The following PCDH15 variants were observed in gnomAD, a reference collection of about 807,000 sequenced individuals.
PCDH15 encodes protocadherin related 15.
In PCDH15, 129 loss-of-function variants were observed where a neutral mutation model predicts 178.5. The observed-to-expected ratio is 0.72, with a 90% CI of 0.63 to 0.84. PCDH15 has a LOEUF of 0.84. Ranked by LOEUF, PCDH15 falls within the 40% of genes least tolerant of loss-of-function variation. The probability of loss-of-function intolerance (pLI) is 0.00; values close to 1 mark genes in which losing one functional copy is unlikely to be tolerated. For missense variants in PCDH15, 2,230 were observed against 2,099.9 expected, an observed-to-expected ratio of 1.06 and a Z score of -1.21; for synonymous variants, 800 against 732.0, an observed-to-expected ratio of 1.09 and a Z score of -1.50.
At chr10:54,117,570 C>A (rs1326648694) in intron 15 of PCDH15, among the ~76,000 whole-genome samples, 1 of 152,056 alleles carries the variant, frequency 6.6e-6, no homozygotes, top group Non-Finnish European at 1.5e-5. Context: ...GAGTTTTTTT[C>A]CTACATCTAG....
intron 1 of PCDH15, among the ~76,000 whole-genome samples, chr10:55,192,546 G>A (rs72801694): frequency 0.11 from 17,031 of 151,138 alleles, 1,064 homozygotes; most frequent in East Asian, 0.25. Context: ...GCAATGTTTT[G>A]GATATTGAAA....
intron 2 of PCDH15, among the ~76,000 whole-genome samples, chr10:54,626,342 C>A (rs1287877261): frequency 6.6e-6 from 1 of 152,152 alleles, no homozygotes. Flanking sequence ...GTCTTCACAG[C>A]AGGCCCTTAT....
At chr10:55,435,754 T>C (rs1172342365) in intron 2 of PCDH15, among the ~76,000 whole-genome samples, 1 of 152,156 alleles carries the variant, frequency 6.6e-6, no homozygotes, top group Admixed American at 6.5e-5. Context: ...TTGGGATTTA[T>C]AACTGTCGTA....
intron 3 of PCDH15, among the ~76,000 whole-genome samples, chr10:54,882,598 A>G (rs1954284046): frequency 6.6e-6 from 1 of 152,066 alleles, no homozygotes; most frequent in Non-Finnish European, 1.5e-5. Flanking sequence ...CTTTCTAATA[A>G]TATGTTATAT....
intron 1 of PCDH15, among the ~76,000 whole-genome samples, chr10:55,309,118 AT>A (rs1465692857): frequency 2.0e-5 from 3 of 152,216 alleles, no homozygotes; most frequent in Admixed American, 6.5e-5. Flanking sequence ...AGTCATTGTA[AT>A]TTAAGCGTTC....
intron 1 of PCDH15, among the ~76,000 whole-genome samples, chr10:54,733,889 G>A (rs759157872): frequency 1.0e-4 from 15 of 150,340 alleles, no homozygotes; most frequent in Non-Finnish European, 7.4e-5. Flanking sequence ...ACCTCCAAAC[G>A]TAAAAACAAA....
chr10:54,178,017 T>A (rs1211964781), intron 13 of PCDH15, among the ~76,000 whole-genome samples: 1 of 151,764 alleles, frequency 6.6e-6, no homozygotes, highest in Non-Finnish European at 1.5e-5. Context: ...TGAGAACAGA[T>A]GAAAAAGAGA....
intron 2 of PCDH15, among the ~76,000 whole-genome samples, chr10:55,429,011 C>T (rs1456935207): frequency 6.6e-6 from 1 of 152,028 alleles, no homozygotes; most frequent in Non-Finnish European, 1.5e-5. Context: ...ATTTTCTCCT[C>T]TCCAGGCTTT....
intron 2 of PCDH15, among the ~76,000 whole-genome samples, chr10:55,404,309 T>C (rs1196881138): frequency 1.3e-5 from 2 of 152,020 alleles, no homozygotes; most frequent in South Asian, 2.1e-4. Flanking sequence ...ACCAGCAAAG[T>C]GACCACAGAT....
intron 1 of PCDH15, among the ~76,000 whole-genome samples, chr10:55,278,786 A>G (rs540247640): frequency 4.1e-4 from 63 of 152,274 alleles, no homozygotes; most frequent in African/African-American, 1.3e-3. Context: ...ATGTTTTGAG[A>G]GTTTCTTATT....
intron 2 of PCDH15, among the ~76,000 whole-genome samples, chr10:55,406,162 G>C (rs770719126): frequency 7.9e-5 from 12 of 151,858 alleles, no homozygotes; most frequent in Non-Finnish European, 1.5e-4. Context: ...CAGGGGATGA[G>C]GTCAGTAAAA....
chr10:55,265,311 GATAT>G (rs146070132), intron 1 of PCDH15, among the ~76,000 whole-genome samples: 5 of 144,208 alleles, frequency 3.5e-5, no homozygotes, highest in African/African-American at 1.3e-4. Flanking sequence ...GTATCTCTAT[GATAT>G]ATATATATAT....
chr10:54,221,093 T>A lies in PCDH15; in HGVS notation c.986-7045A>T, dbSNP rs559232152. Among the ~76,000 whole-genome samples the A allele has an allele frequency of 1.0e-3, 157 of 152,212 alleles. 1 individual carries two copies. The highest frequency in any genetic ancestry group is 9.5e-3 in the Admixed American group (145 of 15,284). On this transcript the variant is annotated intron_variant, in intron 9 of 37. Coordinates refer to ENST00000644397, the MANE Select transcript of PCDH15 (RefSeq NM_001384140.1). ...CTGTAGTCCCACCTACTGGGGAGGTTCTTTAGAAACAGCTTTGATTGCCTA... is the reference window on the plus strand; with the variant it reads ...CTGTAGTCCCACCTACTGGGGAGGTACTTTAGAAACAGCTTTGATTGCCTA...
intron 3 of PCDH15, among the ~76,000 whole-genome samples, chr10:54,433,649 T>C (rs1423000609): frequency 1.3e-5 from 2 of 152,100 alleles, no homozygotes; most frequent in African/African-American, 2.4e-5. Context: ...AGAGGGACTA[T>C]AGTCAACAAT....
chr10:54,505,846 T>C (rs953158473), intron 3 of PCDH15, among the ~76,000 whole-genome samples: 1 of 152,118 alleles, frequency 6.6e-6, no homozygotes, highest in Non-Finnish European at 1.5e-5. Flanking sequence ...TTCTTAAAGC[T>C]GTATAAAATT....
At chr10:54,647,668 GAAT>G (rs2094159889) in intron 2 of PCDH15, among the ~76,000 whole-genome samples, 1 of 151,928 alleles carries the variant, frequency 6.6e-6, no homozygotes, top group African/African-American at 2.4e-5. Context: ...TGAAAAACAG[GAAT>G]AATAATAAAA....
In PCDH15 at chr10:53,866,635, T is replaced by C; in HGVS notation, c.3717+7A>G. 6.2e-7 allele frequency: 1 copy of C among 1,611,322 alleles called. No individual in the cohort carries two copies. Among genetic ancestry groups the C allele is most frequent in the Non-Finnish European group, 8.5e-7 (1 of 1,177,668 alleles). On this transcript the variant is annotated splice_region_variant and intron_variant, in intron 27 of 37. Coordinates refer to ENST00000644397, the MANE Select transcript of PCDH15 (RefSeq NM_001384140.1). Reference sequence around the variant, plus strand: ...TACTTCCCTTTCCTGAAGTTTTATCTACTTACGAGTACATCGGCTTTGCCG... The same window carrying C: ...TACTTCCCTTTCCTGAAGTTTTATCCACTTACGAGTACATCGGCTTTGCCG...
intron 2 of PCDH15, among the ~76,000 whole-genome samples, chr10:55,052,053 AAAAATAGGCAGTGACTTTATC>A (rs1240248011): frequency 6.6e-6 from 1 of 152,094 alleles, no homozygotes; most frequent in Admixed American, 6.6e-5. Context: ...AAGTCACAGT[AAAAATAGGCAGTGACTTTATC>A]AAAATAATCG....
chr10:54,199,561 C>CAATAATAAT (rs1233743116), intron 10 of PCDH15, among the ~76,000 whole-genome samples: 4 of 88,150 alleles, frequency 4.5e-5, no homozygotes, highest in African/African-American at 1.5e-4. Context: ...ATTTAAACAA[C>CAATAATAAT]AACAACAACA....
Sources: allele counts gnomAD v4.1 joint callset (sites outside exome capture counted in the v4.1 genomes callset), GRCh38; gene constraint gnomAD v4.1.1; transcripts MANE v1.5; gene names NCBI Gene and HGNC (gene_info 2026-07-23, HGNC 2026-07-21).